The following DPP6 variants were observed in gnomAD, a reference collection of about 807,000 sequenced individuals.
DPP6 encodes the protein dipeptidyl peptidase like 6.
Under a neutral mutation model 122.6 loss-of-function variants are expected in DPP6, and 69 were observed. The observed-to-expected ratio is 0.56, with a 90% CI of 0.46 to 0.69. The LOEUF (loss-of-function observed/expected upper bound fraction) is 0.69. Among genes scored for constraint, DPP6 ranks in the 30% least tolerant of loss-of-function variants. The pLI is 0.00. For synonymous variants in DPP6, 418 were observed against 433.1 expected (o/e 0.97, Z 0.43); for missense variants, 928 against 1,116.9 (o/e 0.83, Z 2.41).
intron 8 of DPP6, among the ~76,000 whole-genome samples, chr7:154,732,464 C>A (rs1025894496): frequency 6.6e-6 from 1 of 152,172 alleles, no homozygotes. Flanking sequence ...ATGCCATTAT[C>A]ATGGAATGAC....
chr7:153,955,735 G>A (rs1019387952), intron 1 of DPP6, among the ~76,000 whole-genome samples: 1 of 152,138 alleles, frequency 6.6e-6, no homozygotes, highest in Non-Finnish European at 1.5e-5. Flanking sequence ...CACTGCGCCC[G>A]GCCCGTTGTT....
intron 5 of DPP6, among the ~76,000 whole-genome samples, chr7:154,582,097 C>T (rs990192360): frequency 6.6e-6 from 1 of 152,198 alleles, no homozygotes; most frequent in Admixed American, 6.5e-5. Flanking sequence ...ACATATTCTG[C>T]TACTTCCCAA....
rs111638572 is a variant in DPP6 at position 154,841,774 on chromosome 7, G to A, written c.1667-12006G>A. The stretch of plus-strand genomic sequence containing the variant: ...CCATTTCCACGGCCCCCCTCGAGCC[G>A]CGCTCCTCGGACTGCTGTATGGGAA... On this transcript the variant is annotated intron_variant, in intron 16 of 25. Transcript: ENST00000377770. Among the ~76,000 whole-genome samples, 851 of 151,866 alleles carry A rather than the reference G, an allele frequency of 5.6e-3. 6 individuals carry two copies. The highest frequency in any genetic ancestry group is 0.02 in the African/African-American group (822 of 41,374).
upstream of DPP6, among the ~76,000 whole-genome samples, chr7:154,050,760 G>A (rs1186737020): frequency 6.8e-6 from 1 of 147,984 alleles, no homozygotes; most frequent in Non-Finnish European, 1.5e-5. Flanking sequence ...CTTAGCTGTT[G>A]CAATCCTGGT....
intron 13 of DPP6, 26 bp from the exon 14 acceptor site, chr7:154,803,838 C>G: frequency 1.2e-6 from 2 of 1,608,882 alleles, no homozygotes; most frequent in African/African-American, 1.3e-5. Flanking sequence ...GGTGTCTGCT[C>G]CTGATGCCAT....
chr7:154,056,560 C>T (rs1800833214), intron 1 of DPP6, among the ~76,000 whole-genome samples: 1 of 152,040 alleles, frequency 6.6e-6, no homozygotes, highest in Non-Finnish European at 1.5e-5. Context: ...CAGTGTGTTC[C>T]TGTATCCTTC....
chr7:154,742,794 A>T (rs1842872327), intron 8 of DPP6, among the ~76,000 whole-genome samples: 1 of 152,216 alleles, frequency 6.6e-6, no homozygotes, highest in Non-Finnish European at 1.5e-5. Flanking sequence ...CCAGTCAGGG[A>T]ACGGTGGCCT....
chr7:154,542,324 A>G lies in DPP6; in HGVS notation c.552+1698A>G, dbSNP rs529735938. On this transcript the variant is annotated intron_variant, in intron 4 of 25. Coordinates refer to ENST00000377770, the MANE Select transcript of DPP6 (RefSeq NM_130797.4). Reference sequence around the variant, plus strand: ...ACTCACTTAGAAATACTAACGTTGTAGAAATGGTTTTCTAATATTAATAGA... The same window carrying G: ...ACTCACTTAGAAATACTAACGTTGTGGAAATGGTTTTCTAATATTAATAGA... Among the ~76,000 whole-genome samples the G allele has an allele frequency of 4.5e-4, 69 of 152,330 alleles. 1 individual carries two copies. Among genetic ancestry groups the G allele is most frequent in the African/African-American group, 1.4e-3 (58 of 41,578 alleles).
intron 1 of DPP6, among the ~76,000 whole-genome samples, chr7:154,338,142 G>T (rs1809597452): frequency 6.6e-6 from 1 of 152,086 alleles, no homozygotes; most frequent in Non-Finnish European, 1.5e-5. Context: ...TTTGGGCAAA[G>T]TTCAAAGTTG....
chr7:154,207,819 A>G (rs1377831339), intron 1 of DPP6, among the ~76,000 whole-genome samples: 2 of 152,146 alleles, frequency 1.3e-5, no homozygotes, highest in East Asian at 1.9e-4. Flanking sequence ...GCCGGATGCG[A>G]TGGCGCAGGC....
intron 6 of DPP6, among the ~76,000 whole-genome samples, chr7:154,644,583 T>C (rs572030908): frequency 3.2e-4 from 48 of 152,152 alleles, no homozygotes; most frequent in Non-Finnish European, 5.4e-4. Flanking sequence ...CACACGGAGA[T>C]AGGCTTTGGC....
intron 8 of DPP6, among the ~76,000 whole-genome samples, chr7:154,757,749 C>T (rs748302651): frequency 8.5e-5 from 13 of 152,166 alleles, no homozygotes; most frequent in South Asian, 2.1e-4. Flanking sequence ...GGAAAATCTC[C>T]GGCACACGGG....
intron 3 of DPP6, 32 bp downstream of exon 3, chr7:154,475,069 G>T (rs3750042): frequency 2.0e-6 from 3 of 1,519,018 alleles, no homozygotes; most frequent in Middle Eastern, 1.7e-4. Flanking sequence ...ACAAGACATC[G>T]CTTCCCCATG....
intron 3 of DPP6, among the ~76,000 whole-genome samples, chr7:154,478,262 C>T (rs1043202650): frequency 6.6e-6 from 1 of 152,040 alleles, no homozygotes; most frequent in East Asian, 1.9e-4. Flanking sequence ...ATTATTAGAA[C>T]ATTAATTCAT....
chr7:154,210,798 G>A (rs1180064179), intron 1 of DPP6, among the ~76,000 whole-genome samples: 2 of 150,904 alleles, frequency 1.3e-5, no homozygotes, highest in African/African-American at 2.4e-5. Flanking sequence ...TATCTATGAG[G>A]GAGAAGAGAA....
chr7:154,189,785 C>T (rs1042022880), intron 1 of DPP6, among the ~76,000 whole-genome samples: 3 of 152,116 alleles, frequency 2.0e-5, no homozygotes, highest in Non-Finnish European at 4.4e-5. Flanking sequence ...TCTTTCCACA[C>T]AAACCAGATC....
chr7:153,906,524 C>T (rs567286862), intron 1 of DPP6, among the ~76,000 whole-genome samples: 49 of 152,300 alleles, frequency 3.2e-4, no homozygotes, highest in Admixed American at 4.6e-4. Flanking sequence ...GATCTTGGCT[C>T]GCTGCAGCCT....
intron 1 of DPP6, among the ~76,000 whole-genome samples, chr7:154,239,708 C>A (rs1801448932): frequency 6.6e-6 from 1 of 151,234 alleles, no homozygotes; most frequent in Admixed American, 6.6e-5. Flanking sequence ...CTCAATGGCT[C>A]ATGCCTGTAA....
chr7:154,492,653 A>G (rs1368129824), intron 3 of DPP6, among the ~76,000 whole-genome samples: 1 of 152,102 alleles, frequency 6.6e-6, no homozygotes, highest in Non-Finnish European at 1.5e-5. Context: ...CATTTTACAT[A>G]TGAGGAAACT....
Sources: allele counts gnomAD v4.1 joint callset (sites outside exome capture counted in the v4.1 genomes callset), GRCh38; gene constraint gnomAD v4.1.1; transcripts MANE v1.5; gene names NCBI Gene and HGNC (gene_info 2026-07-23, HGNC 2026-07-21).